The following DLG2 variants were observed in gnomAD, a reference collection of about 807,000 sequenced individuals.
DLG2 encodes disks large homolog 2.
Under a neutral mutation model 132.5 loss-of-function variants are expected in DLG2, and 45 were observed. The ratio of observed to expected loss-of-function variants is 0.34; its 90% CI spans 0.27 to 0.44. DLG2 has a LOEUF of 0.44. Among genes scored for constraint, DLG2 ranks in the 20% least tolerant of loss-of-function variants. The probability of loss-of-function intolerance (pLI) is 1.00; values close to 1 mark genes in which losing one functional copy is unlikely to be tolerated. For missense variants in DLG2, 1,045 were observed against 1,196.9 expected (o/e 0.87, Z 1.87); for synonymous variants, 424 against 419.6 (o/e 1.01, Z -0.13).
chr11:85,429,594 G>A (rs1400746474), intron 3 of DLG2, among the ~76,000 whole-genome samples: 3 of 152,050 alleles, frequency 2.0e-5, no homozygotes, highest in East Asian at 1.9e-4. Context: ...GCAGCCAAAA[G>A]ACACATAAAA....
chr11:84,877,651 G>A (rs1226493373), intron 6 of DLG2, among the ~76,000 whole-genome samples: 1 of 150,264 alleles, frequency 6.7e-6, no homozygotes, highest in Admixed American at 6.7e-5. Context: ...ACTTTTTACC[G>A]ATTTGCCAGT....
At chr11:84,121,176 A>T (rs1011604534) in intron 9 of DLG2, among the ~76,000 whole-genome samples, 8 of 152,256 alleles carry the variant, frequency 5.3e-5, no homozygotes, top group Non-Finnish European at 1.2e-4. Context: ...TAACCAAAGA[A>T]GTTTTATAGA....
At chr11:85,433,081 A>T (rs1318048235) in intron 3 of DLG2, among the ~76,000 whole-genome samples, 2 of 152,182 alleles carry the variant, frequency 1.3e-5, no homozygotes, top group Non-Finnish European at 2.9e-5. Flanking sequence ...CTTCATCAGC[A>T]AAGGAGAAAT....
At position 83,483,440 on chromosome 11, in the gene DLG2, T is replaced by A. The variant is rs1045159753; in HGVS notation, c.2293+689A>T. The A allele has an allele frequency of 1.1e-4, 63 of 563,806 alleles. No homozygotes were observed. In the Middle Eastern group the frequency reaches 1.5e-3, roughly 14 times the overall value. 34.9% of individuals were successfully genotyped at this position (563,806 alleles called of 1,614,324 possible). A position where few individuals can be genotyped will look rare whatever the true frequency, so the allele number is the denominator to read the frequency against. Reference sequence around the variant, plus strand: ...ATCTGGATCCCATTCTCTCTTCTTTTAAAAAAACTTTCACCCCAAACTCCT... The same window carrying A: ...ATCTGGATCCCATTCTCTCTTCTTTAAAAAAAACTTTCACCCCAAACTCCT... On this transcript the variant is annotated intron_variant, in intron 22 of 27. Transcript: ENST00000376104.
chr11:85,594,151 T>C (rs972162833), intron 3 of DLG2, among the ~76,000 whole-genome samples: 2 of 152,156 alleles, frequency 1.3e-5, no homozygotes, highest in Admixed American at 6.5e-5. Flanking sequence ...AAAAATGCTA[T>C]GAGATACAAT....
intron 6 of DLG2, among the ~76,000 whole-genome samples, chr11:85,040,554 A>C (rs1357627713): frequency 6.6e-6 from 1 of 151,978 alleles, no homozygotes; most frequent in Non-Finnish European, 1.5e-5. Flanking sequence ...CAACTAACAG[A>C]TACTTCCAGC....
At position 85,386,217 on chromosome 11, in the gene DLG2, C is replaced by T. The variant is rs145119647; in HGVS notation, c.41-100852G>A. On this transcript the variant is annotated intron_variant, in intron 3 of 27. Transcript: ENST00000376104. ...TGATTTCAGGTTTGTAATAATAATG[C>T]CTACATACCACCTATTATTCTAACC... Among the ~76,000 whole-genome samples, 181 of 152,234 alleles carry T rather than the reference C, an allele frequency of 1.2e-3. 1 individual carries two copies. The highest frequency in any genetic ancestry group is 4.2e-3 in the African/African-American group (173 of 41,542).
intron 16 of DLG2, among the ~76,000 whole-genome samples, chr11:83,844,514 C>T (rs1230276412): frequency 9.0e-6 from 1 of 111,432 alleles, no homozygotes. Context: ...CATCACTGCA[C>T]TTTAGCTTAG....
chr11:84,247,130 G>A (rs1315208106), intron 8 of DLG2, among the ~76,000 whole-genome samples: 2 of 152,128 alleles, frequency 1.3e-5, no homozygotes, highest in Non-Finnish European at 2.9e-5. Context: ...ATTAGAGAAG[G>A]TTAGAGCAAA....
chr11:85,444,193 A>G lies in DLG2; in HGVS notation c.40+154464T>C, dbSNP rs531899275. Among the ~76,000 whole-genome samples the G allele has an allele frequency of 4.6e-5, 7 of 152,354 alleles. No individual in the cohort carries two copies. In the East Asian group the frequency reaches 1.2e-3, roughly 25 times the overall value. Reference sequence around the variant, plus strand: ...TAAAAAAATGCTACCAAAATCAAAAATCTTTTGGAAACACAACAGAAATGA... The same window carrying G: ...TAAAAAAATGCTACCAAAATCAAAAGTCTTTTGGAAACACAACAGAAATGA... On this transcript the variant is annotated intron_variant, in intron 3 of 27. Transcript: ENST00000376104.
chr11:83,499,774 C>CAT lies in DLG2; in HGVS notation c.2194-15548_2194-15547dup, dbSNP rs890177890. Among the ~76,000 whole-genome samples the CAT allele has an allele frequency of 4.0e-4, 56 of 139,922 alleles. 1 individual carries two copies. Among genetic ancestry groups the CAT allele is most frequent in the Non-Finnish European group, 2.9e-4 (19 of 65,382 alleles). The allele number at this position is 139,922 out of a possible 152,430, so 91.8% of individuals were successfully genotyped here. A position where few individuals can be genotyped will look rare whatever the true frequency, so the allele number is the denominator to read the frequency against. ...TGTGAGTTAATACATAATAAACTCC[C>CAT]ATATATATATATTATATATATAATA... On this transcript the variant is annotated intron_variant, in intron 21 of 27. Coordinates refer to ENST00000376104, the MANE Select transcript of DLG2 (RefSeq NM_001142699.3).
At chr11:84,934,119 A>G (rs991614014) in intron 6 of DLG2, among the ~76,000 whole-genome samples, 1 of 152,100 alleles carries the variant, frequency 6.6e-6, no homozygotes, top group Non-Finnish European at 1.5e-5. Context: ...TTCTGCACCT[A>G]TTTAGATAAT....
At chr11:84,895,109 C>G (rs2090008139) in intron 6 of DLG2, among the ~76,000 whole-genome samples, 1 of 152,042 alleles carries the variant, frequency 6.6e-6, no homozygotes, top group Non-Finnish European at 1.5e-5. Context: ...AGAATTATTA[C>G]AAAATTGTGT....
chr11:84,125,203 G>A (rs79052015), intron 9 of DLG2, among the ~76,000 whole-genome samples: 2,843 of 152,178 alleles, frequency 0.019, 72 homozygotes, highest in African/African-American at 0.064. Flanking sequence ...CAAGGCTCAC[G>A]TGCTAAATTC....
chr11:84,190,201 G>A (rs1399087416), intron 8 of DLG2, among the ~76,000 whole-genome samples: 1 of 151,660 alleles, frequency 6.6e-6, no homozygotes, highest in East Asian at 1.9e-4. Flanking sequence ...ATTGGAGAGA[G>A]AGTAAGTATA....
intron 18 of DLG2, among the ~76,000 whole-genome samples, chr11:83,686,310 C>T (rs1202385885): frequency 6.6e-6 from 1 of 152,102 alleles, no homozygotes; most frequent in African/African-American, 2.4e-5. Flanking sequence ...AGAACAGCAT[C>T]CTCTATTCCT....
intron 19 of DLG2, among the ~76,000 whole-genome samples, chr11:83,548,426 C>A (rs1390861927): frequency 2.6e-5 from 4 of 152,046 alleles, no homozygotes; most frequent in Admixed American, 2.0e-4. Context: ...ATGGAGGAAG[C>A]AAATTTGTCA....
At chr11:84,085,122 G>C (rs1717019929) in intron 10 of DLG2, among the ~76,000 whole-genome samples, 1 of 152,174 alleles carries the variant, frequency 6.6e-6, no homozygotes, top group African/African-American at 2.4e-5. Context: ...CTTGATGCTT[G>C]TGCAAAGCTT....
chr11:84,442,954 T>G (rs2099022030), intron 7 of DLG2, among the ~76,000 whole-genome samples: 2 of 152,194 alleles, frequency 1.3e-5, no homozygotes, highest in African/African-American at 4.8e-5. Flanking sequence ...CACTATGAAT[T>G]TATATGTATA....
Sources: gnomAD v4.1 joint callset for allele counts (sites outside exome capture counted in the v4.1 genomes callset) on GRCh38, gnomAD v4.1.1 for gene constraint, MANE v1.5 for transcripts, NCBI Gene and HGNC (gene_info 2026-07-23, HGNC 2026-07-21) for gene names.